Variants in ZBBX observed in about 807,000 individuals in gnomAD.
ZBBX encodes zinc finger B-box domain-containing protein 1.
ZBBX carries 101 observed loss-of-function variants against 108.5 expected under a neutral mutation model. The ratio of observed to expected loss-of-function variants is 0.93; its 90% CI spans 0.79 to 1.10. The LOEUF is 1.10. Among genes scored for constraint, ZBBX ranks in the 50% least tolerant of loss-of-function variants. The probability of loss-of-function intolerance (pLI) is 0.00; values close to 1 mark genes in which losing one functional copy is unlikely to be tolerated. For synonymous variants in ZBBX, 356 were observed against 323.4 expected, an observed-to-expected ratio of 1.10 and a Z score of -1.08; for missense variants, 1,009 against 941.4, an observed-to-expected ratio of 1.07 and a Z score of -0.94.
At chr3:167,366,790 G>T (rs1376933001) in intron 5 of ZBBX, 2 of 455,336 alleles carry the variant, frequency 4.4e-6, no homozygotes, top group Admixed American at 2.4e-5. Flanking sequence ...TATCAGGGCT[G>T]ATTCCAGCAA....
At chr3:167,287,220 A>C (rs1395828855) in intron 19 of ZBBX, among the ~76,000 whole-genome samples, 3 of 152,108 alleles carry the variant, frequency 2.0e-5, no homozygotes, top group Non-Finnish European at 4.4e-5. Context: ...TCTTTTTATA[A>C]AACTTATATG....
intron 11 of ZBBX, among the ~76,000 whole-genome samples, chr3:167,325,638 T>A (rs1737240038): frequency 6.6e-6 from 1 of 152,150 alleles, no homozygotes; most frequent in Admixed American, 6.6e-5. Flanking sequence ...CCACTTAGGC[T>A]GTAAGTTCCA....
the ZBBX span, among the ~76,000 whole-genome samples, chr3:167,216,864 A>G: frequency 1.3e-5 from 2 of 152,178 alleles, no homozygotes; most frequent in East Asian, 3.9e-4. Flanking sequence ...AAAAACAAGC[A>G]ATGGGAAAAA....
chr3:167,370,852 T>G (rs1439012030), intron 4 of ZBBX, among the ~76,000 whole-genome samples: 1 of 152,070 alleles, frequency 6.6e-6, no homozygotes. Context: ...AGAAAAAAAA[T>G]TGTTATTTTA....
chr3:167,253,619 C>T (rs143568061), intron 20 of ZBBX, among the ~76,000 whole-genome samples: 1 of 152,182 alleles, frequency 6.6e-6, no homozygotes, highest in East Asian at 1.9e-4. Context: ...CAATACAGAA[C>T]CCGCAAACAG....
chr3:167,359,194 G>A (rs4955621), intron 8 of ZBBX, among the ~76,000 whole-genome samples: 122,535 of 152,030 alleles, frequency 0.81, 49,533 homozygotes, highest in East Asian at 0.92. Flanking sequence ...GAAGCCAAAA[G>A]TATATACTAT....
At chr3:167,396,439 T>G (rs564968930) in intron 1 of ZBBX, among the ~76,000 whole-genome samples, 1 of 152,004 alleles carries the variant, frequency 6.6e-6, no homozygotes, top group Non-Finnish European at 1.5e-5. Flanking sequence ...CCTGTAGCCA[T>G]GTGTAGCAAC....
At chr3:167,371,682 C>CT (rs1746176892) in intron 4 of ZBBX, among the ~76,000 whole-genome samples, 1 of 152,106 alleles carries the variant, frequency 6.6e-6, no homozygotes. Context: ...ACACATGTCC[C>CT]TTTTTCTTTT....
chr3:167,366,035 AAAAG>A (rs1396036732), intron 5 of ZBBX, 59 bp from the exon 6 acceptor site: 6 of 1,324,550 alleles, frequency 4.5e-6, no homozygotes, highest in Non-Finnish European at 6.3e-6. Context: ...CCCTTTAATG[AAAAG>A]AAATACAGTG....
At chr3:167,183,537 G>A in the ZBBX span, among the ~76,000 whole-genome samples, 3 of 152,230 alleles carry the variant, frequency 2.0e-5, no homozygotes, top group African/African-American at 7.2e-5. Flanking sequence ...AGCCTTCAGA[G>A]CTGAGAGCCA....
intron 9 of ZBBX, among the ~76,000 whole-genome samples, chr3:167,336,341 A>T (rs189507519): frequency 9.9e-5 from 15 of 152,232 alleles, no homozygotes; most frequent in Admixed American, 9.2e-4. Context: ...TGACTATCTT[A>T]AAGTTCTGCT....
chr3:167,237,713 G>A (rs985623031), downstream of ZBBX, among the ~76,000 whole-genome samples: 56 of 152,036 alleles, frequency 3.7e-4, no homozygotes, highest in African/African-American at 1.1e-3. Context: ...CCTAGTCTAC[G>A]CTGCCACAGA....
upstream of ZBBX, among the ~76,000 whole-genome samples, chr3:167,380,727 G>A (rs1457605612): frequency 3.3e-5 from 5 of 152,128 alleles, no homozygotes; most frequent in African/African-American, 1.2e-4. Context: ...ATGTTTAAAT[G>A]ATTTATCAAT....
At chr3:167,350,332 G>A (rs1409239717) in intron 9 of ZBBX, 88 bp downstream of exon 9, 5 of 982,232 alleles carry the variant, frequency 5.1e-6, no homozygotes, top group South Asian at 1.9e-5. Flanking sequence ...ATCATCCTGA[G>A]TTCTAGATAA....
At chr3:167,245,870 G>A (rs1011877787) in intron 20 of ZBBX, among the ~76,000 whole-genome samples, 4 of 152,014 alleles carry the variant, frequency 2.6e-5, no homozygotes, top group Admixed American at 1.3e-4. Context: ...TCTTATAGCA[G>A]TGTAAGAATT....
the ZBBX span, among the ~76,000 whole-genome samples, chr3:167,196,843 T>C: frequency 6.6e-6 from 1 of 152,098 alleles, no homozygotes; most frequent in Non-Finnish European, 1.5e-5. Context: ...AAAAAAAATG[T>C]ATCCTTTTCC....
chr3:167,182,116 T>C, the ZBBX span, among the ~76,000 whole-genome samples: 1 of 152,182 alleles, frequency 6.6e-6, no homozygotes, highest in African/African-American at 2.4e-5. Context: ...GCAGCCTGAC[T>C]CGCTGATTTT....
downstream of ZBBX, among the ~76,000 whole-genome samples, chr3:167,236,843 TTAA>T (rs1291451055): frequency 4.0e-5 from 6 of 151,686 alleles, no homozygotes; most frequent in Non-Finnish European, 8.8e-5. Flanking sequence ...CATTTGTACA[TTAA>T]TAATTATAAG....
the ZBBX span, among the ~76,000 whole-genome samples, chr3:167,189,616 G>A: frequency 7.9e-5 from 12 of 152,202 alleles, no homozygotes; most frequent in South Asian, 6.2e-4. Context: ...TCATACAGAC[G>A]TATACATTTT....
Sources: allele counts gnomAD v4.1 joint callset (sites outside exome capture counted in the v4.1 genomes callset), GRCh38; gene constraint gnomAD v4.1.1; transcripts MANE v1.5; gene names NCBI Gene and HGNC (gene_info 2026-07-23, HGNC 2026-07-21).